Variants in PALM2AKAP2 observed in about 807,000 individuals in gnomAD.
The protein encoded by PALM2AKAP2 is PALM2 and AKAP2 fusion, also known as PALM2-AKAP2 fusion protein.
In PALM2AKAP2, 37 loss-of-function variants were observed where a neutral mutation model predicts 71.5. The observed-to-expected ratio is 0.52, with a 90% CI of 0.40 to 0.68. The LOEUF (loss-of-function observed/expected upper bound fraction) is 0.68, where lower values mean the gene tolerates loss of function less well. Ranked by LOEUF, PALM2AKAP2 falls within the 30% of genes least tolerant of loss-of-function variation. PALM2AKAP2 has a pLI of 0.00. For missense variants in PALM2AKAP2, 1,224 were observed against 1,191.8 expected (o/e 1.03, Z -0.40); for synonymous variants, 468 against 478.8 (o/e 0.98, Z 0.29).
intron 1 of PALM2AKAP2, among the ~76,000 whole-genome samples, chr9:109,826,509 C>A (rs1828155210): frequency 6.6e-6 from 1 of 152,028 alleles, no homozygotes; most frequent in African/African-American, 2.4e-5. Flanking sequence ...TTGGACCCCT[C>A]AAGAGTTTTA....
chr9:109,895,287 T>G (rs556623524), intron 3 of PALM2AKAP2, among the ~76,000 whole-genome samples: 5 of 152,174 alleles, frequency 3.3e-5, no homozygotes, highest in African/African-American at 9.6e-5. Flanking sequence ...TGCAGTGGAG[T>G]CTGCTGGTCT....
chr9:109,858,583 A>G (rs1829230533), intron 1 of PALM2AKAP2, among the ~76,000 whole-genome samples: 1 of 152,094 alleles, frequency 6.6e-6, no homozygotes, highest in South Asian at 2.1e-4. Context: ...TCTGCTCACG[A>G]GACTTCATGG....
intron 1 of PALM2AKAP2, among the ~76,000 whole-genome samples, chr9:110,079,234 G>A (rs1193459294): frequency 5.3e-5 from 8 of 152,124 alleles, no homozygotes; most frequent in African/African-American, 7.2e-5. Context: ...CTTCAAGCTC[G>A]CCTGTAATCC....
intron 1 of PALM2AKAP2, among the ~76,000 whole-genome samples, chr9:109,653,149 A>G (rs1400381461): frequency 1.3e-5 from 2 of 152,232 alleles, no homozygotes; most frequent in African/African-American, 2.4e-5. Context: ...ATCATGGGTG[A>G]GGCAGCATTG....
chr9:110,042,678 T>C (rs1833529451), intron 7 of PALM2AKAP2, among the ~76,000 whole-genome samples: 1 of 152,252 alleles, frequency 6.6e-6, no homozygotes, highest in Non-Finnish European at 1.5e-5. Context: ...GGTTGTCTGA[T>C]GCTCACCCCA....
chr9:109,768,964 A>G (rs1396520588), intron 1 of PALM2AKAP2, among the ~76,000 whole-genome samples: 1 of 152,184 alleles, frequency 6.6e-6, no homozygotes, highest in African/African-American at 2.4e-5. Context: ...TATTTATAAT[A>G]AATAAATATA....
intron 6 of PALM2AKAP2, among the ~76,000 whole-genome samples, chr9:109,999,401 T>C (rs548258203): frequency 6.6e-6 from 1 of 151,756 alleles, no homozygotes; most frequent in African/African-American, 2.4e-5. Context: ...ATAAAAAAAA[T>C]GTGCTCAGGG....
chr9:109,705,644 G>A (rs968400170), intron 1 of PALM2AKAP2, among the ~76,000 whole-genome samples: 1 of 152,174 alleles, frequency 6.6e-6, no homozygotes, highest in Non-Finnish European at 1.5e-5. Flanking sequence ...ACTTACCACT[G>A]GGAGGCAGAA....
chr9:110,158,109 A>C (rs1587873772), intron 3 of PALM2AKAP2, among the ~76,000 whole-genome samples: 1 of 152,312 alleles, frequency 6.6e-6, no homozygotes, highest in East Asian at 1.9e-4. Flanking sequence ...ACCTCACTGT[A>C]GGGGAGCCAG....
intron 6 of PALM2AKAP2, among the ~76,000 whole-genome samples, chr9:109,957,837 G>T (rs1831777423): frequency 1.3e-5 from 2 of 152,200 alleles, no homozygotes; most frequent in Non-Finnish European, 2.9e-5. Context: ...TGATTCTAAT[G>T]GAGATTCAGC....
chr9:110,115,669 T>G (rs1835346280), intron 1 of PALM2AKAP2, among the ~76,000 whole-genome samples: 1 of 152,216 alleles, frequency 6.6e-6, no homozygotes. Flanking sequence ...TGAGGCTTTG[T>G]GCTTTTGAAG....
At chr9:109,902,132 A>G (rs1185261551) in intron 3 of PALM2AKAP2, among the ~76,000 whole-genome samples, 1 of 152,214 alleles carries the variant, frequency 6.6e-6, no homozygotes, top group Non-Finnish European at 1.5e-5. Context: ...CCTCATCTGA[A>G]TCTCAGCCTC....
chr9:110,136,421 G>A (rs139329817), exon 2 of PALM2AKAP2: 1 of 1,614,144 alleles, frequency 6.2e-7, no homozygotes, highest in Non-Finnish European at 8.5e-7. Flanking sequence ...GGTGCTAGAG[G>A]CCAACTGCTG....
intron 3 of PALM2AKAP2, among the ~76,000 whole-genome samples, chr9:109,913,761 T>C (rs1350696214): frequency 2.0e-5 from 3 of 149,112 alleles, no homozygotes; most frequent in Non-Finnish European, 4.5e-5. Flanking sequence ...ATTTCTTTTT[T>C]TTTTTTTTTT....
chr9:109,846,171 T>TC (rs1434699733), intron 1 of PALM2AKAP2, among the ~76,000 whole-genome samples: 2 of 150,854 alleles, frequency 1.3e-5, no homozygotes, highest in East Asian at 1.9e-4. Context: ...GTCTTCTCTG[T>TC]CCCCCGAGTT....
In PALM2AKAP2 at chr9:110,138,425, C is replaced by T; in HGVS notation, c.2455C>T (p.Gln819Ter). 6.2e-7 allele frequency: 1 copy of T among 1,614,218 alleles called. No homozygotes were observed. Among genetic ancestry groups the T allele is most frequent in the Non-Finnish European group, 8.5e-7 (1 of 1,180,036 alleles). ...GATTGAGGAAGAGATCCGAGCAGCT[C>T]AGGAAAGGGAAGAGGAGCTGAAGAG... The change falls in exon 2 of 4, where the codon CAG becomes TAG. Residue 819 changes from glutamine (Q) to a stop codon, truncating the protein, a stop_gained. Transcript: ENST00000374525. LOFTEE classifies it high-confidence loss of function.
chr9:109,714,912 G>A (rs148019883), intron 1 of PALM2AKAP2, among the ~76,000 whole-genome samples: 12 of 152,298 alleles, frequency 7.9e-5, no homozygotes, highest in African/African-American at 2.9e-4. Context: ...CATGGGATGG[G>A]CTGCCCCTGT....
intron 1 of PALM2AKAP2, among the ~76,000 whole-genome samples, chr9:110,080,405 T>A (rs1834423635): frequency 6.6e-6 from 1 of 152,220 alleles, no homozygotes; most frequent in Non-Finnish European, 1.5e-5. Flanking sequence ...CTTTATGCCT[T>A]ATGTTATCAG....
intron 1 of PALM2AKAP2, among the ~76,000 whole-genome samples, chr9:110,061,582 A>G (rs1833965576): frequency 6.7e-6 from 1 of 149,804 alleles, no homozygotes; most frequent in Admixed American, 6.7e-5. Context: ...CCCCGTAACA[A>G]CCTTTGATAG....
Sources: gnomAD v4.1 joint callset for allele counts (sites outside exome capture counted in the v4.1 genomes callset) on GRCh38, gnomAD v4.1.1 for gene constraint, MANE v1.5 for transcripts, NCBI Gene and HGNC (gene_info 2026-07-23, HGNC 2026-07-21) for gene names.